The following ADAMTS19 variants were observed in gnomAD, a reference collection of about 807,000 sequenced individuals.
ADAMTS19 encodes the protein ADAM metallopeptidase with thrombospondin type 1 motif 19.
ADAMTS19 carries 93 observed loss-of-function variants against 153.3 expected under a neutral mutation model. That is an observed-to-expected ratio of 0.61 (90% CI 0.51 to 0.72). The LOEUF is 0.72. ADAMTS19 is among the 30% of genes least tolerant of loss of function. ADAMTS19 has a pLI of 0.00. For missense variants in ADAMTS19, 1,482 were observed against 1,552.1 expected (o/e 0.95, Z 0.76); for synonymous variants, 600 against 556.6 (o/e 1.08, Z -1.10).
chr5:129,579,967 G>A (rs1581107918), intron 7 of ADAMTS19, among the ~76,000 whole-genome samples: 1 of 152,052 alleles, frequency 6.6e-6, no homozygotes, highest in East Asian at 1.9e-4. Flanking sequence ...TTCTAATTCT[G>A]TGAAGAAAGT....
intron 7 of ADAMTS19, among the ~76,000 whole-genome samples, chr5:129,584,738 G>A (rs1429149569): frequency 3.3e-5 from 5 of 152,130 alleles, no homozygotes; most frequent in Admixed American, 3.3e-4. Context: ...AATGGTGGAT[G>A]CCCCTCCCTC....
At chr5:129,728,931 T>A (rs1757321821) in intron 21 of ADAMTS19, among the ~76,000 whole-genome samples, 1 of 152,196 alleles carries the variant, frequency 6.6e-6, no homozygotes, top group Non-Finnish European at 1.5e-5. Context: ...ACAGGACTTC[T>A]ACTTGCAGAA....
intron 9 of ADAMTS19, 68 bp downstream of exon 9, chr5:129,620,826 G>T: frequency 1.3e-6 from 2 of 1,525,290 alleles, no homozygotes; most frequent in South Asian, 1.3e-5. Context: ...TACAAATAGA[G>T]AAGCCAGTGT....
chr5:129,632,277 A>G (rs1041241288), intron 10 of ADAMTS19, among the ~76,000 whole-genome samples: 1 of 152,052 alleles, frequency 6.6e-6, no homozygotes, highest in Non-Finnish European at 1.5e-5. Context: ...TTCATTTGGA[A>G]TTATTGGAAT....
chr5:129,461,630 C>A lies in ADAMTS19; in HGVS notation c.620C>A (p.Pro207His). Residue 207 changes from proline (P) to histidine (H), a missense_variant, in exon 2 of 23, where the codon CCC (proline) becomes CAC (histidine). Coordinates refer to ENST00000274487, the MANE Select transcript of ADAMTS19 (RefSeq NM_133638.6). The surrounding 1 kb of genome is among the most constrained non-coding windows in gnomAD (Gnocchi z 4.6). The stretch of plus-strand genomic sequence containing the variant: ...GTGGAACAGCGGCCAAATCCCGGCC[C>A]CGGCCCCACGGGGGCAGCATCCGCC... ...FAVEQRPNPG[P>H]GPTGAASAPQ... 6.3e-7 allele frequency: 1 copy of A among 1,594,834 alleles called. No homozygotes were observed. The highest frequency in any genetic ancestry group is 8.5e-7 in the Non-Finnish European group (1 of 1,176,856).
At chr5:129,482,888 C>T (rs1750461768) in intron 2 of ADAMTS19, among the ~76,000 whole-genome samples, 1 of 152,226 alleles carries the variant, frequency 6.6e-6, no homozygotes, top group Non-Finnish European at 1.5e-5. Context: ...CAAAATTATC[C>T]TTTTAGGATA....
chr5:129,658,173 C>A (rs1015022369), intron 14 of ADAMTS19, among the ~76,000 whole-genome samples: 3 of 151,944 alleles, frequency 2.0e-5, no homozygotes, highest in African/African-American at 7.3e-5. Context: ...ATAGTCCCAG[C>A]TACTCGGGAG....
chr5:129,705,470 T>A (rs757929955), intron 21 of ADAMTS19, among the ~76,000 whole-genome samples: 2 of 152,230 alleles, frequency 1.3e-5, no homozygotes, highest in African/African-American at 2.4e-5. Context: ...AAGAAAAGTT[T>A]GCATATTAAT....
intron 2 of ADAMTS19, among the ~76,000 whole-genome samples, chr5:129,497,895 C>T (rs995071391): frequency 2.6e-5 from 4 of 151,960 alleles, no homozygotes; most frequent in African/African-American, 9.7e-5. Flanking sequence ...TTTGGTCACC[C>T]TAGAATCTGT....
chr5:129,682,672 C>T (rs1401141564), intron 17 of ADAMTS19, among the ~76,000 whole-genome samples: 1 of 152,102 alleles, frequency 6.6e-6, no homozygotes, highest in African/African-American at 2.4e-5. Flanking sequence ...TCTTTAAACT[C>T]ATTAGGCTGA....
intron 20 of ADAMTS19, 128 bp from the exon 21 acceptor site, chr5:129,704,111 A>T: frequency 1.0e-6 from 1 of 974,090 alleles, no homozygotes; most frequent in Non-Finnish European, 1.5e-6. Flanking sequence ...CTTATTATTT[A>T]TAATTTTATC....
At chr5:129,651,344 C>G (rs1460833710) in intron 13 of ADAMTS19, among the ~76,000 whole-genome samples, 1 of 152,170 alleles carries the variant, frequency 6.6e-6, no homozygotes, top group Admixed American at 6.5e-5. Flanking sequence ...ATTTGATCCT[C>G]TTTAGTGTGT....
At chr5:129,462,478 T>C (rs189673318) in intron 2 of ADAMTS19, among the ~76,000 whole-genome samples, 5 of 152,260 alleles carry the variant, frequency 3.3e-5, no homozygotes, top group African/African-American at 4.8e-5. Flanking sequence ...TGGAGAGCCT[T>C]GTTAAAAGGC....
intron 2 of ADAMTS19, among the ~76,000 whole-genome samples, chr5:129,464,118 A>G (rs539874882): frequency 1.3e-5 from 2 of 152,350 alleles, no homozygotes; most frequent in South Asian, 4.1e-4. Flanking sequence ...GAGTGCAGGC[A>G]TGAAAATGCA....
chr5:129,535,017 C>A (rs577100504), intron 6 of ADAMTS19, among the ~76,000 whole-genome samples: 248 of 152,210 alleles, frequency 1.6e-3, no homozygotes, highest in Admixed American at 5.0e-3. Flanking sequence ...ACAGGGATGC[C>A]CTCTCTCACC....
Position 129,622,273 on chromosome 5 carries a change from A to T in ADAMTS19, c.1695A>T (p.Pro565=). The change falls in exon 10 of 23, where the codon CCA becomes CCT. Residue 565 remains proline (P), a synonymous_variant. Transcript: ENST00000274487. ...VNSVMVPSKL[P]GMTYTADEQC... is the part of the protein sequence containing the mutation. ...CTGTGATGGTTCCCTCCAAGCTGCCAGGGATGACATACACTGCTGATGAAC... is the reference window on the plus strand; with the variant it reads ...CTGTGATGGTTCCCTCCAAGCTGCCTGGGATGACATACACTGCTGATGAAC... The T allele has an allele frequency of 6.2e-7, 1 of 1,614,150 alleles. No homozygotes were observed. The highest frequency in any genetic ancestry group is 8.5e-7 in the Non-Finnish European group (1 of 1,180,022).
At chr5:129,475,897 G>T (rs1325230161) in intron 2 of ADAMTS19, among the ~76,000 whole-genome samples, 2 of 152,228 alleles carry the variant, frequency 1.3e-5, no homozygotes, top group Non-Finnish European at 2.9e-5. Context: ...TTTAGGATCA[G>T]ATTGTCAGTA....
At chr5:129,474,684 CT>C in intron 2 of ADAMTS19, among the ~76,000 whole-genome samples, 1 of 138,230 alleles carries the variant, frequency 7.2e-6, no homozygotes, top group South Asian at 2.1e-4. Flanking sequence ...AACTCAAAGG[CT>C]CCTTTATAAC....
chr5:129,637,637 G>A (rs1473463821), intron 10 of ADAMTS19, among the ~76,000 whole-genome samples: 1 of 152,172 alleles, frequency 6.6e-6, no homozygotes, highest in Non-Finnish European at 1.5e-5. Context: ...CTGAGGTCAG[G>A]AGTTCAAGAC....
Sources: gnomAD v4.1 joint callset for allele counts (sites outside exome capture counted in the v4.1 genomes callset) on GRCh38, gnomAD v4.1.1 for gene constraint, Gnocchi (gnomAD v3.1) non-coding constraint, MANE v1.5 for transcripts, NCBI Gene and HGNC (gene_info 2026-07-23, HGNC 2026-07-21) for gene names.